The following SDAD1 variants were observed in gnomAD, a reference collection of about 807,000 sequenced individuals.
SDAD1 encodes the protein SDA1 domain containing 1.
In SDAD1, 79 loss-of-function variants were observed where a neutral mutation model predicts 100.3. The observed-to-expected ratio is 0.79, with a 90% CI of 0.66 to 0.95. The LOEUF is 0.95. Ranked by LOEUF, SDAD1 falls within the 40% of genes least tolerant of loss-of-function variation. The pLI, the probability that SDAD1 is intolerant of heterozygous loss-of-function variation, is 0.00. For missense variants in SDAD1, 790 were observed against 810.9 expected (o/e 0.97, Z 0.31); for synonymous variants, 267 against 271.4 (o/e 0.98, Z 0.16).
Position 75,981,966 on chromosome 4 carries a change from T to C in SDAD1, c.162A>G (p.Lys54=), listed in dbSNP as rs2149329326. ...TAAACATCACCAGCTCTGCTAGTTC[T>C]TTGCTGGGTTTATTTGGTTGCAATT... ...IFKLQPNKPS[K]ELAELVMFMA... is the part of the protein sequence containing the mutation. The change falls in exon 2 of 22, where the codon AAA becomes AAG. Residue 54 remains lysine, a synonymous_variant. Coordinates refer to ENST00000356260, the MANE Select transcript of SDAD1 (RefSeq NM_018115.4). The C allele has an allele frequency of 6.2e-7, 1 of 1,611,716 alleles. No individual in the cohort carries two copies. The highest frequency in any genetic ancestry group is 2.2e-5 in the East Asian group (1 of 44,816).
At chr4:75,981,514 C>T (rs1487774655) in intron 2 of SDAD1, 44 bp from the exon 3 acceptor site, 1 of 1,611,064 alleles carries the variant, frequency 6.2e-7, no homozygotes, top group African/African-American at 1.3e-5. Context: ...CTCTTTCTCT[C>T]CTATAATTCA....
chr4:75,956,330 G>A (rs1728890645), intron 20 of SDAD1, among the ~76,000 whole-genome samples, 194 bp from the exon 21 acceptor site: 1 of 151,804 alleles, frequency 6.6e-6, no homozygotes, highest in East Asian at 1.9e-4. Context: ...GAGCTCGGTG[G>A]AAGAAAAGTC....
intron 16 of SDAD1, 75 bp downstream of exon 16, chr4:75,960,953 A>AGG (rs879569986): frequency 4.1e-5 from 50 of 1,215,766 alleles, no homozygotes; most frequent in Non-Finnish European, 6.0e-5. Flanking sequence ...TAAGTACTAA[A>AGG]ATCCTAATTG....
chr4:75,975,760 A>G lies in SDAD1; in HGVS notation c.562T>C (p.Tyr188His). ...ATACACTACCAGATGTTCCTTCTGT[A>G]GAGTTCAATCATTACATCTAAAGAC... is the stretch of plus-strand genomic sequence containing the variant. ...KMSLDVMIEL[Y>H]RRNIWNDAKT... The change falls in exon 6 of 22, where the codon TAC becomes CAC. Residue 188 changes from tyrosine to histidine, a missense_variant. Physicochemically the swap from Tyr to His is moderately conservative, Grantham distance 83. Transcript: ENST00000356260. 6.2e-7 allele frequency: 1 copy of G among 1,612,276 alleles called. No individual in the cohort carries two copies. The highest frequency in any genetic ancestry group is 1.1e-5 in the South Asian group (1 of 91,048).
chr4:75,956,619 T>A (rs886343090), intron 20 of SDAD1, among the ~76,000 whole-genome samples: 1 of 152,116 alleles, frequency 6.6e-6, no homozygotes, highest in Admixed American at 6.5e-5. Context: ...GACACAGACA[T>A]GAGCAGCCAC....
intron 15 of SDAD1, 35 bp downstream of exon 15, chr4:75,961,176 A>C: frequency 6.2e-7 from 1 of 1,605,492 alleles, no homozygotes; most frequent in Non-Finnish European, 8.5e-7. Context: ...GTCACACTGT[A>C]CTCTTTGGTG....
chr4:75,972,519 TAG>T (rs1484953054), intron 8 of SDAD1, among the ~76,000 whole-genome samples: 2 of 151,976 alleles, frequency 1.3e-5, no homozygotes. Context: ...CATTTGCTTT[TAG>T]AGAGTTTCTC....
chr4:75,956,396 GTTTTTTTTTTGTTTT>G (rs1728895175), intron 20 of SDAD1, among the ~76,000 whole-genome samples: 4 of 110,904 alleles, frequency 3.6e-5, no homozygotes, highest in African/African-American at 1.2e-4. Context: ...CAGGTAGACT[GTTTTTTTTTTGTTTT>G]TTTTTTTTTT....
At chr4:75,958,002 A>C in intron 17 of SDAD1, 61 bp from the exon 18 acceptor site, 1 of 1,328,212 alleles carries the variant, frequency 7.5e-7, no homozygotes, top group Non-Finnish European at 1.1e-6. Flanking sequence ...CATAAAGTTG[A>C]GATGAAGCAA....
rs185664095 is a variant in SDAD1, at chr4:75,970,806, A to C, written c.814-428T>G. 2.2e-3 allele frequency among the ~76,000 whole-genome samples: 328 copies of C among 152,288 alleles called. 2 individuals are homozygous for C. The highest frequency in any genetic ancestry group is 7.5e-3 in the African/African-American group (313 of 41,550). Reference sequence around the variant, plus strand: ...ATCTGATGGTTTAAAAGTGTTTGGCAGATCTCCTGTAGTGCTCTCTCCTGC... The same window carrying C: ...ATCTGATGGTTTAAAAGTGTTTGGCCGATCTCCTGTAGTGCTCTCTCCTGC... On this transcript the variant is annotated intron_variant, in intron 9 of 21. Transcript: ENST00000356260.
intron 21 of SDAD1, among the ~76,000 whole-genome samples, chr4:75,952,587 T>C (rs6834291): frequency 0.8 from 121,751 of 152,140 alleles, 51,312 homozygotes; most frequent in East Asian, 0.94. Flanking sequence ...CAGGTAAGAT[T>C]CCTTTATTTA....
chr4:75,990,726 T>C lies in SDAD1; in HGVS notation c.90+26A>G, dbSNP rs576102678. 8 of 1,613,530 alleles carry C rather than the reference T, an allele frequency of 5.0e-6. No individual in the cohort carries two copies. In the Admixed American group the frequency reaches 1.2e-4, roughly 24 times the overall value. The stretch of plus-strand genomic sequence containing the variant: ...TCTCAACCATCCACTATCCGGCCTC[T>C]AGCGTCTGCCGCGCCGCACTCCCAC... On this transcript the variant is annotated intron_variant, in intron 1 of 21. Transcript: ENST00000356260.
At chr4:75,974,253 G>T (rs1730028548) in intron 6 of SDAD1, 120 bp from the exon 7 acceptor site, 1 of 794,336 alleles carries the variant, frequency 1.3e-6, no homozygotes, top group Admixed American at 2.0e-5. Flanking sequence ...ATTCCCAGTT[G>T]TAATATTTTA....
intron 6 of SDAD1, among the ~76,000 whole-genome samples, chr4:75,974,792 A>C (rs1253909979): frequency 6.6e-6 from 1 of 152,192 alleles, no homozygotes; most frequent in African/African-American, 2.4e-5. Context: ...CTGTAATCCC[A>C]GCACTTTGGG....
intron 9 of SDAD1, 31 bp downstream of exon 9, chr4:75,971,326 T>A (rs753738958): frequency 6.3e-6 from 9 of 1,438,622 alleles, no homozygotes; most frequent in Non-Finnish European, 8.8e-6. Context: ...CTCTAATCAC[T>A]CCTATCTCAT....
chr4:75,975,822 G>T lies in SDAD1; in HGVS notation c.500C>A (p.Thr167Asn). 1 of 1,613,896 alleles carries T rather than the reference G, an allele frequency of 6.2e-7. No individual in the cohort carries two copies. Among genetic ancestry groups the T allele is most frequent in the Non-Finnish European group, 8.5e-7 (1 of 1,179,870 alleles). Residue 167 changes from threonine to asparagine, a missense_variant, in exon 6 of 22, where the codon ACC (threonine) becomes AAC (asparagine). Coordinates refer to ENST00000356260, the MANE Select transcript of SDAD1 (RefSeq NM_018115.4). Reference protein sequence around the residue: ...VNVVLQNFMYTMLRDSNATAA... With the variant: ...VNVVLQNFMYNMLRDSNATAA... ...GGTTGCATTGCTATCTCTTAACATGGTGTACATGAAATTTTGCAATACCTG... is the reference window on the plus strand; with the variant it reads ...GGTTGCATTGCTATCTCTTAACATGTTGTACATGAAATTTTGCAATACCTG...
intron 11 of SDAD1, among the ~76,000 whole-genome samples, chr4:75,967,822 G>A (rs4639100): frequency 1.3e-5 from 2 of 151,654 alleles, no homozygotes; most frequent in Admixed American, 6.6e-5. Context: ...GGAAGGAGTT[G>A]GGTCCAACCA....
rs1280167556 is a variant in SDAD1 at position 75,957,601 on chromosome 4, G to C, written c.1686C>G (p.Ala562=). 3.1e-6 allele frequency: 5 copies of C among 1,614,044 alleles called. No individual in the cohort carries two copies. Among genetic ancestry groups the C allele is most frequent in the Non-Finnish European group, 4.2e-6 (5 of 1,180,010 alleles). The part of the protein sequence containing the change: ...TQEDFQKIRM[A]QMRKELDAAP... The stretch of plus-strand genomic sequence containing the variant: ...CAGCATCAAGTTCTTTTCTCATTTG[G>C]GCCATGCGGATTTTCTGGAAGTCTT... Residue 562 remains alanine, a synonymous_variant, in exon 19 of 22, where the codon GCC becomes GCG. Coordinates refer to ENST00000356260, the MANE Select transcript of SDAD1 (RefSeq NM_018115.4).
rs539839708 is a variant in SDAD1, at chr4:75,965,393, G to C, written c.1104+371C>G. On this transcript the variant is annotated intron_variant, in intron 13 of 21. Coordinates refer to ENST00000356260, the MANE Select transcript of SDAD1 (RefSeq NM_018115.4). ...TCATTAGCAATTTTAATTTCGCCCT[G>C]GTCCTGTGATCTCGTCCTGCCTCCA... 1.3e-4 allele frequency among the ~76,000 whole-genome samples: 20 copies of C among 152,168 alleles called. No individual in the cohort carries two copies. The South Asian group carries it at 1.9e-3, about 14-fold the overall frequency.
Sources: gnomAD v4.1 joint callset for allele counts (sites outside exome capture counted in the v4.1 genomes callset) on GRCh38, gnomAD v4.1.1 for gene constraint, MANE v1.5 for transcripts, NCBI Gene and HGNC (gene_info 2026-07-23, HGNC 2026-07-21) for gene names.